Variants in DMRTC1 observed in about 807,000 individuals in gnomAD.
DMRTC1 encodes the protein doublesex- and mab-3-related transcription factor C1.
For missense variants in DMRTC1, 9 were observed against 34.6 expected, an observed-to-expected ratio of 0.26 and a Z score of 1.86; for synonymous variants, 7 against 14.1, an observed-to-expected ratio of 0.50 and a Z score of 1.13.
chrX:72,879,377 TTCCC>T (rs2054830215), intron 1 of DMRTC1, among the ~76,000 whole-genome samples: 1 of 40,780 alleles, frequency 2.5e-5, no homozygotes, highest in East Asian at 1.0e-3. Context: ...TTCCCTTCCC[TTCCC>T]TTCCCTTCCT....
At chrX:72,918,380 GC>G (rs2054997780) in intron 1 of DMRTC1, among the ~76,000 whole-genome samples, 1 of 43,468 alleles carries the variant, frequency 2.3e-5, no homozygotes, top group Non-Finnish European at 3.2e-5. Flanking sequence ...GTTGTACCAG[GC>G]CTAGAGGCAA....
chrX:72,879,765 C>T (rs1267135883), intron 1 of DMRTC1, among the ~76,000 whole-genome samples: 2 of 113,975 alleles, frequency 1.8e-5, no homozygotes, highest in African/African-American at 6.4e-5. Context: ...CCCTTTCTTT[C>T]TCCCTTTCTC....
chrX:72,887,148 G>A (rs1264493183), intron 1 of DMRTC1, among the ~76,000 whole-genome samples: 2 of 33,690 alleles, frequency 5.9e-5, no homozygotes, highest in African/African-American at 1.6e-4. Flanking sequence ...TTTAAGCCCC[G>A]CATGCATTAG....
In DMRTC1 at chrX:72,905,109, A is replaced by T. The variant is rs2054919860; in HGVS notation, c.-94-29321T>A. ...ACTGACAGTTTATAACTAACTTGAA[A>T]GCGGAATGATGTTTATAACATACAT... On this transcript the variant is annotated intron_variant, in intron 1 of 6. Transcript: ENST00000615063. 3.7e-4 allele frequency among the ~76,000 whole-genome samples: 2 copies of T among 5,405 alleles called. 1 individual carries two copies. The highest frequency in any genetic ancestry group is 8.8e-4 in the African/African-American group (2 of 2,266). The allele number at this position is 5,405 out of a possible 115,157, so 4.7% of individuals were successfully genotyped here. A position where few individuals can be genotyped will look rare whatever the true frequency, so the allele number is the denominator to read the frequency against.
At chrX:72,872,861 C>T (rs1408082159) in intron 6 of DMRTC1, among the ~76,000 whole-genome samples, 1 of 71,778 alleles carries the variant, frequency 1.4e-5, no homozygotes, top group East Asian at 1.1e-3. Context: ...ACCTGTCAGA[C>T]CTCTGTGATT....
At chrX:72,887,017 T>C (rs1260169572) in intron 1 of DMRTC1, among the ~76,000 whole-genome samples, 10 of 516 alleles carry the variant, frequency 0.019, no homozygotes, top group Non-Finnish European at 0.11. Flanking sequence ...GGGTTGCCCT[T>C]TTTTTTTTTT....
At chrX:72,916,348 T>C (rs1556356230) in intron 1 of DMRTC1, among the ~76,000 whole-genome samples, 1 of 108,916 alleles carries the variant, frequency 9.2e-6, no homozygotes, top group African/African-American at 3.7e-5. Flanking sequence ...AGAGCCACTG[T>C]CACCAACTAC....
chrX:72,872,272 G>A lies in DMRTC1; in HGVS notation c.*180C>T. ...GGCCCCAGCATCCAAAAGAGTAAGGGACAGAGGTACAAGAATATCCACCCT... is the reference window on the plus strand; with the variant it reads ...GGCCCCAGCATCCAAAAGAGTAAGGAACAGAGGTACAAGAATATCCACCCT... On this transcript the variant is annotated 3_prime_UTR_variant, in exon 7 of 7. Transcript: ENST00000615063. 3.4e-6 allele frequency: 1 copy of A among 294,958 alleles called. No individual in the cohort carries two copies. The highest frequency in any genetic ancestry group is 1.2e-4 in the East Asian group (1 of 8,355). 24.3% of individuals were successfully genotyped at this position (294,958 alleles called of 1,213,427 possible).
At chrX:72,880,108 G>A (rs1556352722) in intron 1 of DMRTC1, among the ~76,000 whole-genome samples, 1 of 10,384 alleles carries the variant, frequency 9.6e-5, no homozygotes, top group East Asian at 1.6e-3. Flanking sequence ...CCAGGCTATC[G>A]TGAACTCCTG....
intron 1 of DMRTC1, among the ~76,000 whole-genome samples, chrX:72,913,619 C>A (rs2054970035): frequency 2.2e-5 from 2 of 89,926 alleles, no homozygotes; most frequent in Non-Finnish European, 4.3e-5. Flanking sequence ...CAGCTCTGAC[C>A]CTGGCGGGGC....
intron 1 of DMRTC1, among the ~76,000 whole-genome samples, chrX:72,882,159 A>G (rs1407832807): frequency 1.3e-5 from 1 of 79,261 alleles, no homozygotes; most frequent in African/African-American, 4.7e-5. Context: ...CTCTAATTCT[A>G]TAATTCATTT....
At chrX:72,906,126 T>A (rs2054933692) in intron 1 of DMRTC1, among the ~76,000 whole-genome samples, 1 of 67,376 alleles carries the variant, frequency 1.5e-5, no homozygotes, top group African/African-American at 6.4e-5. Flanking sequence ...CAGCAATAAA[T>A]GGGTCAGCCC....
At chrX:72,905,612 A>T (rs1223266434) in intron 1 of DMRTC1, among the ~76,000 whole-genome samples, 1 of 52,087 alleles carries the variant, frequency 1.9e-5, no homozygotes, top group Admixed American at 2.4e-4. Flanking sequence ...GGTTCAAGCC[A>T]TTCTCCTGCC....
intron 1 of DMRTC1, among the ~76,000 whole-genome samples, chrX:72,905,828 G>C (rs2054928967): frequency 1.9e-5 from 2 of 106,633 alleles, no homozygotes; most frequent in South Asian, 7.8e-4. Context: ...CCAGGAACTA[G>C]GAAAAGAAGA....
At chrX:72,913,467 G>T (rs2054968283) in intron 1 of DMRTC1, 1 of 423,787 alleles carries the variant, frequency 2.4e-6, no homozygotes. Flanking sequence ...CAGCTTTGGT[G>T]GTGGTGGGGT....
chrX:72,913,562 G>C (rs2054969313), intron 1 of DMRTC1, among the ~76,000 whole-genome samples: 1 of 102,668 alleles, frequency 9.7e-6, no homozygotes, highest in African/African-American at 3.7e-5. Flanking sequence ...ACTAGGTCCT[G>C]GTGGCGATGG....
At chrX:72,916,237 G>T (rs1784527517) in intron 1 of DMRTC1, among the ~76,000 whole-genome samples, 1 of 108,015 alleles carries the variant, frequency 9.3e-6, no homozygotes, top group Admixed American at 9.4e-5. Flanking sequence ...TGAGTGGTGT[G>T]ATCACCATTC....
chrX:72,872,887 C>T (rs1236592158), intron 6 of DMRTC1, among the ~76,000 whole-genome samples: 2 of 67,834 alleles, frequency 2.9e-5, no homozygotes, highest in Non-Finnish European at 5.0e-5. Flanking sequence ...CCTCTCCAGC[C>T]TCATCCCTTT....
intron 1 of DMRTC1, among the ~76,000 whole-genome samples, chrX:72,879,147 G>GTTTTTTTT (rs781972795): frequency 3.0e-3 from 38 of 12,772 alleles, no homozygotes; most frequent in Middle Eastern, 0.083. Context: ...TTTTTTGTTT[G>GTTTTTTTT]TTTTTTTTTT....
Sources: allele counts gnomAD v4.1 joint callset (sites outside exome capture counted in the v4.1 genomes callset), GRCh38; gene constraint gnomAD v4.1.1; transcripts MANE v1.5; gene names NCBI Gene and HGNC (gene_info 2026-07-23, HGNC 2026-07-21).